Variants in TARBP1 observed in about 807,000 individuals in gnomAD.
TARBP1 encodes tRNA (guanosine(18)-2'-O)-methyltransferase TARBP1.
A neutral mutation model predicts 178.6 loss-of-function variants in TARBP1; 144 were observed. That is an observed-to-expected ratio of 0.81 (90% CI 0.70 to 0.93). The LOEUF is 0.93. Ranked by LOEUF, TARBP1 falls within the 40% of genes least tolerant of loss-of-function variation. The pLI is 0.00. For synonymous variants in TARBP1, 787 were observed against 781.0 expected, an observed-to-expected ratio of 1.01 and a Z score of -0.13; for missense variants, 2,067 against 2,011.7, an observed-to-expected ratio of 1.03 and a Z score of -0.53.
intron 5 of TARBP1, among the ~76,000 whole-genome samples, chr1:234,464,440 T>C (rs544572058): frequency 6.6e-6 from 1 of 152,332 alleles, no homozygotes; most frequent in East Asian, 1.9e-4. Context: ...AGGAACATTA[T>C]CTGCTAATTG....
At chr1:234,414,679 G>A (rs1482517109) in intron 22 of TARBP1, among the ~76,000 whole-genome samples, 3 of 152,088 alleles carry the variant, frequency 2.0e-5, no homozygotes, top group African/African-American at 7.2e-5. Flanking sequence ...TCAAGAGTGG[G>A]TTGGGAAGGA....
intron 10 of TARBP1, among the ~76,000 whole-genome samples, chr1:234,449,901 T>A (rs955831992): frequency 6.6e-6 from 1 of 152,370 alleles, no homozygotes; most frequent in Middle Eastern, 3.4e-3. Flanking sequence ...TTGTCTTATA[T>A]ATTTCCTCAA....
chr1:234,442,289 A>G (rs1665679200), intron 12 of TARBP1, among the ~76,000 whole-genome samples: 1 of 152,230 alleles, frequency 6.6e-6, no homozygotes. Context: ...ACTGTTGAGA[A>G]AATGAAAAGA....
intron 22 of TARBP1, among the ~76,000 whole-genome samples, chr1:234,417,858 T>C (rs559674232): frequency 6.6e-6 from 1 of 152,336 alleles, no homozygotes; most frequent in East Asian, 1.9e-4. Context: ...CTTTTCCATC[T>C]TTATTTTGTT....
rs574378026 is a variant in TARBP1, at chr1:234,479,052, C to T, written c.52G>A (p.Ala18Thr). Residue 18 changes from alanine (A) to threonine (T), a missense_variant, in exon 1 of 30, where the codon GCC (alanine) becomes ACC (threonine). Physicochemically the swap from Ala to Thr is moderately conservative, Grantham distance 58. Transcript: ENST00000040877. The stretch of plus-strand genomic sequence containing the variant: ...CCTTGGCACAGCGCCCCAAGCAGGG[C>T]CCGGGGGTCCCGGCTCTGCGAGAGC... ...ALLSQSRDPR[A>T]LLGALCQGEA... The T allele has an allele frequency of 1.3e-5, 20 of 1,539,004 alleles. No homozygotes were observed. The African/African-American group carries it at 1.6e-4, about 12-fold the overall frequency.
chr1:234,478,542 C>A lies in TARBP1; in HGVS notation c.562G>T (p.Ala188Ser). ...AGCAGTCGCCCGGCCACCAGCGCCG[C>A]CGCGTCCTCGGCAGGCCCGGCCTCA... ...GDEAGPAEDA[A>S]ALVAGRLLPV... The change falls in exon 1 of 30, where the codon GCG (alanine) becomes TCG (serine). Residue 188 changes from alanine to serine, a missense_variant. Physicochemically the swap from Ala to Ser is moderately conservative, Grantham distance 99. Coordinates refer to ENST00000040877, the MANE Select transcript of TARBP1 (RefSeq NM_005646.4). The A allele has an allele frequency of 7.3e-7, 1 of 1,361,302 alleles. No homozygotes were observed. Among genetic ancestry groups the A allele is most frequent in the Non-Finnish European group, 9.5e-7 (1 of 1,054,402 alleles). 84.3% of individuals were successfully genotyped at this position (1,361,302 alleles called of 1,614,324 possible). A position where few individuals can be genotyped will look rare whatever the true frequency, so the allele number is the denominator to read the frequency against.
chr1:234,392,667 G>A, intron 28 of TARBP1, 115 bp from the exon 29 acceptor site: 2 of 816,446 alleles, frequency 2.4e-6, no homozygotes, highest in Admixed American at 2.8e-5. Context: ...AAAAAGGAGA[G>A]AATTATACAT....
Position 234,418,099 on chromosome 1 carries a change from C to T in TARBP1, c.3690G>A (p.Trp1230Ter). The change falls in exon 22 of 30, where the codon TGG becomes TGA. Residue 1230 changes from tryptophan (W) to a stop codon, truncating the protein, a stop_gained. Transcript: ENST00000040877. LOFTEE classifies it high-confidence loss of function. The stretch of plus-strand genomic sequence containing the variant: ...CTTTACTTACATAAGAAAAACAATC[C>T]CAGAACTTTGGAAGAAATTGAGGGA... The part of the protein sequence containing the change: ...HKFPQFLPKF[W>*]DCFSYGEENL... 7.2e-7 allele frequency: 1 copy of T among 1,393,130 alleles called. No individual in the cohort carries two copies. Among genetic ancestry groups the T allele is most frequent in the Non-Finnish European group, 9.6e-7 (1 of 1,045,728 alleles). The allele number at this position is 1,393,130 out of a possible 1,614,324, so 86.3% of individuals were successfully genotyped here.
rs932240546 is a variant in TARBP1, at chr1:234,429,133, T to C, written c.3060+3A>G. On this transcript the variant is annotated splice_donor_region_variant and intron_variant, in intron 17 of 29. Transcript: ENST00000040877. ...AAAGCAAAAAGAAAAGAAAGTTAGT[T>C]ACCTCTTTTATTTTGAAATATGCCT... 2.6e-6 allele frequency: 4 copies of C among 1,560,246 alleles called. No individual in the cohort carries two copies. The African/African-American group carries it at 5.5e-5, about 22-fold the overall frequency.
chr1:234,434,156 G>A (rs1431213643), intron 13 of TARBP1, among the ~76,000 whole-genome samples: 1 of 152,126 alleles, frequency 6.6e-6, no homozygotes, highest in Non-Finnish European at 1.5e-5. Context: ...ATTCAGGTGG[G>A]GAGATGGATG....
At chr1:234,421,752 C>T (rs1416351016) in intron 20 of TARBP1, among the ~76,000 whole-genome samples, 3 of 152,228 alleles carry the variant, frequency 2.0e-5, no homozygotes, top group African/African-American at 7.2e-5. Context: ...ATCACCATAA[C>T]TATTAGTGCT....
chr1:234,419,672 A>G (rs765087489), intron 21 of TARBP1, among the ~76,000 whole-genome samples: 2 of 152,072 alleles, frequency 1.3e-5, no homozygotes, highest in African/African-American at 2.4e-5. Flanking sequence ...AATCTAGTTG[A>G]GCATTTCTAA....
chr1:234,429,911 G>C (rs1037545699), intron 15 of TARBP1, among the ~76,000 whole-genome samples, 176 bp downstream of exon 15: 1 of 152,160 alleles, frequency 6.6e-6, no homozygotes, highest in African/African-American at 2.4e-5. Context: ...GTGAAAACTA[G>C]ATGCAGAAAA....
At chr1:234,460,062 A>G (rs1667692058) in intron 7 of TARBP1, among the ~76,000 whole-genome samples, 199 bp downstream of exon 7, 2 of 152,336 alleles carry the variant, frequency 1.3e-5, no homozygotes, top group South Asian at 4.1e-4. Context: ...TAAACTAGTA[A>G]TTTGTAAAAC....
chr1:234,427,256 T>C (rs754545751), intron 19 of TARBP1, 61 bp downstream of exon 19: 10 of 1,164,256 alleles, frequency 8.6e-6, no homozygotes, highest in African/African-American at 1.5e-5. Flanking sequence ...ATGTTTGTCA[T>C]ATGATGTTAA....
chr1:234,434,161 T>A (rs1199870695), intron 13 of TARBP1, among the ~76,000 whole-genome samples: 1 of 152,170 alleles, frequency 6.6e-6, no homozygotes, highest in African/African-American at 2.4e-5. Context: ...GGTGGGGAGA[T>A]GGATGACTCA....
intron 25 of TARBP1, among the ~76,000 whole-genome samples, chr1:234,399,478 C>T (rs952679643): frequency 2.0e-5 from 3 of 152,064 alleles, no homozygotes; most frequent in African/African-American, 2.4e-5. Flanking sequence ...GTCAGTGTGG[C>T]GATTCCTCAG....
chr1:234,410,966 G>A (rs1267781368), intron 22 of TARBP1, among the ~76,000 whole-genome samples: 1 of 152,150 alleles, frequency 6.6e-6, no homozygotes, highest in African/African-American at 2.4e-5. Flanking sequence ...CAGCTACTGG[G>A]GAGGCTGAGG....
At chr1:234,422,090 T>A (rs1171284295) in intron 20 of TARBP1, among the ~76,000 whole-genome samples, 1 of 152,168 alleles carries the variant, frequency 6.6e-6, no homozygotes, top group Non-Finnish European at 1.5e-5. Context: ...TCAATGCAAT[T>A]AAAAATGGAA....
Sources: gnomAD v4.1 joint callset for allele counts (sites outside exome capture counted in the v4.1 genomes callset) on GRCh38, gnomAD v4.1.1 for gene constraint, MANE v1.5 for transcripts, NCBI Gene and HGNC (gene_info 2026-07-23, HGNC 2026-07-21) for gene names.